The following TEX9 variants were observed in gnomAD, a reference collection of about 807,000 sequenced individuals.
TEX9 encodes the protein testis expressed 9.
In TEX9, 74 loss-of-function variants were observed where a neutral mutation model predicts 59.6. The observed-to-expected ratio is 1.24, with a 90% CI of 1.03 to 1.51. The LOEUF is 1.51. TEX9 is among the 40% of genes most tolerant of loss of function. TEX9 has a pLI of 0.00. For missense variants in TEX9, 522 were observed against 447.8 expected (o/e 1.17, Z -1.49); for synonymous variants, 186 against 152.2 (o/e 1.22, Z -1.64).
chr15:56,392,008 C>G (rs533627298), intron 7 of TEX9, among the ~76,000 whole-genome samples: 38 of 151,874 alleles, frequency 2.5e-4, no homozygotes, highest in African/African-American at 8.7e-4. Context: ...TTATGAGGAG[C>G]CTCCTATGCT....
intron 1 of TEX9, among the ~76,000 whole-genome samples, chr15:56,300,708 G>GAGGGAGAGAGAGAGAGAGAGA (rs2045331855): frequency 1.9e-5 from 2 of 102,728 alleles, no homozygotes; most frequent in East Asian, 3.6e-4. Flanking sequence ...AGAGAGAGAG[G>GAGGGAGAGAGAGAGAGAGAGA]GAGAGAGAGA....
At position 56,300,708 on chromosome 15, in the gene TEX9, G is replaced by GGGAGAGAGA. The variant is rs1160272154; in HGVS notation, c.-107+56431_-107+56432insGAGAGAGAG. Among the ~76,000 whole-genome samples, 699 of 102,356 alleles carry GGGAGAGAGA rather than the reference G, an allele frequency of 6.8e-3. 32 individuals carry two copies. The East Asian group carries it at 0.076, about 11-fold the overall frequency. The allele number at this position is 102,356 out of a possible 152,430, so 67.1% of individuals were successfully genotyped here. A position where few individuals can be genotyped will look rare whatever the true frequency, so the allele number is the denominator to read the frequency against. ...AGCAGAGAGAGAGAGAGAGAGAGAG[G>GGGAGAGAGA]GAGAGAGAGAGAGAGAGAGAGAGAG... On this transcript the variant is annotated intron_variant, in intron 1 of 5. Coordinates refer to the TEX9 transcript ENST00000560827.
chr15:56,441,856 T>TA (rs1440101388), intron 12 of TEX9, among the ~76,000 whole-genome samples: 1 of 151,500 alleles, frequency 6.6e-6, no homozygotes, highest in Non-Finnish European at 1.5e-5. Flanking sequence ...CTACTAAAAA[T>TA]ACAAAAGAAA....
intron 1 of TEX9, among the ~76,000 whole-genome samples, chr15:56,316,534 G>A (rs1418923784): frequency 6.6e-6 from 1 of 151,084 alleles, no homozygotes; most frequent in Admixed American, 6.6e-5. Context: ...CGTGCTGGGA[G>A]AACCACTGCT....
At chr15:56,297,855 T>C (rs1299450853) in intron 1 of TEX9, among the ~76,000 whole-genome samples, 1 of 152,256 alleles carries the variant, frequency 6.6e-6, no homozygotes, top group African/African-American at 2.4e-5. Context: ...TCTTATCTTC[T>C]CCAGCGAGAC....
intron 1 of TEX9, among the ~76,000 whole-genome samples, chr15:56,279,296 C>G (rs1170510273): frequency 6.6e-6 from 1 of 151,964 alleles, no homozygotes; most frequent in Admixed American, 6.6e-5. Flanking sequence ...GAGGCTTTGG[C>G]CATAAAAGTG....
intron 12 of TEX9, chr15:56,429,169 TATC>T (rs1389309307): frequency 6.3e-7 from 1 of 1,597,426 alleles, no homozygotes; most frequent in Non-Finnish European, 8.5e-7. Flanking sequence ...AGCAGATCAA[TATC>T]ATCCTCTTTT....
chr15:56,281,571 T>G (rs923127388), intron 1 of TEX9, among the ~76,000 whole-genome samples: 21 of 152,162 alleles, frequency 1.4e-4, no homozygotes, highest in Non-Finnish European at 2.6e-4. Context: ...CTTAAGTCCG[T>G]GGAAAAATTA....
intron 1 of TEX9, among the ~76,000 whole-genome samples, chr15:56,349,951 G>A (rs779063408): frequency 2.9e-4 from 44 of 151,822 alleles, no homozygotes; most frequent in Non-Finnish European, 5.4e-4. Flanking sequence ...GTCAAGAATC[G>A]GTTAAGACTT....
upstream of TEX9, among the ~76,000 whole-genome samples, chr15:56,364,709 A>G (rs1158722769): frequency 3.3e-5 from 5 of 152,172 alleles, no homozygotes; most frequent in Admixed American, 2.6e-4. Flanking sequence ...TTATTTTCCC[A>G]TTGAATGGTC....
At chr15:56,270,451 A>G (rs562804639) in intron 1 of TEX9, among the ~76,000 whole-genome samples, 1 of 152,250 alleles carries the variant, frequency 6.6e-6, no homozygotes, top group East Asian at 1.9e-4. Context: ...CTGTTTTATC[A>G]GAGACCAAGA....
chr15:56,399,695 C>T (rs1217565063), intron 9 of TEX9, among the ~76,000 whole-genome samples: 2 of 152,178 alleles, frequency 1.3e-5, no homozygotes, highest in African/African-American at 4.8e-5. Context: ...CTAACTGTGA[C>T]ACACCTCCCA....
chr15:56,275,509 C>T (rs1300280690), intron 1 of TEX9, among the ~76,000 whole-genome samples: 2 of 152,124 alleles, frequency 1.3e-5, no homozygotes, highest in African/African-American at 2.4e-5. Flanking sequence ...ATTTTATACT[C>T]TTATTTTAGC....
intron 1 of TEX9, among the ~76,000 whole-genome samples, chr15:56,333,363 A>C (rs1005856051): frequency 3.9e-5 from 6 of 152,182 alleles, no homozygotes; most frequent in African/African-American, 1.4e-4. Flanking sequence ...GGTTCAACAT[A>C]TGCAAATCAA....
At chr15:56,302,362 C>CGT (rs2045380773) in intron 1 of TEX9, among the ~76,000 whole-genome samples, 1 of 139,018 alleles carries the variant, frequency 7.2e-6, no homozygotes, top group Admixed American at 7.1e-5. Flanking sequence ...CACACACACA[C>CGT]GAACATAAAA....
chr15:56,285,444 T>A (rs568025988), intron 1 of TEX9, among the ~76,000 whole-genome samples: 1 of 152,226 alleles, frequency 6.6e-6, no homozygotes, highest in Admixed American at 6.5e-5. Context: ...ACAATTTAAT[T>A]TGGGAAAATC....
At chr15:56,342,663 C>T (rs1370494022) in intron 1 of TEX9, among the ~76,000 whole-genome samples, 1 of 152,068 alleles carries the variant, frequency 6.6e-6, no homozygotes, top group East Asian at 1.9e-4. Context: ...TTTTAAAAAG[C>T]CTTCATAGAA....
intron 3 of TEX9, among the ~76,000 whole-genome samples, chr15:56,376,245 T>C (rs902194015): frequency 6.6e-6 from 1 of 151,912 alleles, no homozygotes; most frequent in African/African-American, 2.4e-5. Flanking sequence ...AAAAAAGATA[T>C]ATTGATTTCC....
chr15:56,399,294 A>G (rs2048648668), intron 9 of TEX9, among the ~76,000 whole-genome samples: 1 of 152,264 alleles, frequency 6.6e-6, no homozygotes, highest in Non-Finnish European at 1.5e-5. Flanking sequence ...CAACCGGCAG[A>G]CAAGGAGATT....
Sources: gnomAD v4.1 joint callset for allele counts (sites outside exome capture counted in the v4.1 genomes callset) on GRCh38, gnomAD v4.1.1 for gene constraint, MANE v1.5 for transcripts, NCBI Gene and HGNC (gene_info 2026-07-23, HGNC 2026-07-21) for gene names.